The following ENTREP2 variants were observed in gnomAD, a reference collection of about 807,000 sequenced individuals.
ENTREP2 encodes endosomal transmembrane epsin interactor 2, also known as protein ENTREP2.
chr15:29,413,732 G>A, the ENTREP2 span, among the ~76,000 whole-genome samples: 2 of 152,054 alleles, frequency 1.3e-5, no homozygotes, highest in Non-Finnish European at 2.9e-5. Flanking sequence ...AAATGACAAT[G>A]TCCCAGGGAA....
At chr15:29,270,805 C>A in the ENTREP2 span, among the ~76,000 whole-genome samples, 1 of 152,214 alleles carries the variant, frequency 6.6e-6, no homozygotes, top group African/African-American at 2.4e-5. Context: ...TTCTACAGAT[C>A]TTAGCAAATT....
chr15:29,468,990 T>C, the ENTREP2 span, among the ~76,000 whole-genome samples: 2 of 152,134 alleles, frequency 1.3e-5, no homozygotes, highest in East Asian at 1.9e-4. Flanking sequence ...TGCAGCCAAA[T>C]GCAGTGGCCT....
At chr15:29,457,598 C>T in the ENTREP2 span, among the ~76,000 whole-genome samples, 16 of 152,278 alleles carry the variant, frequency 1.1e-4, no homozygotes, top group Admixed American at 2.6e-4. Flanking sequence ...GTCCTGTCAG[C>T]GCTGGCACCC....
At chr15:29,658,420 A>C in the ENTREP2 span, among the ~76,000 whole-genome samples, 1 of 152,172 alleles carries the variant, frequency 6.6e-6, no homozygotes, top group Non-Finnish European at 1.5e-5. Flanking sequence ...CTTATAGCAG[A>C]GGGATAATTG....
the ENTREP2 span, among the ~76,000 whole-genome samples, chr15:29,304,592 C>T: frequency 6.6e-6 from 1 of 152,182 alleles, no homozygotes; most frequent in Non-Finnish European, 1.5e-5. Context: ...TCTCAACTCA[C>T]CAACCAGAGT....
At chr15:29,146,617 A>G in the ENTREP2 span, among the ~76,000 whole-genome samples, 1 of 152,188 alleles carries the variant, frequency 6.6e-6, no homozygotes, top group African/African-American at 2.4e-5. Context: ...CACACAGTGT[A>G]TAACAATGAA....
the ENTREP2 span, among the ~76,000 whole-genome samples, chr15:29,577,620 C>T: frequency 6.6e-6 from 1 of 152,158 alleles, no homozygotes; most frequent in South Asian, 2.1e-4. Context: ...TCCTGAAGTG[C>T]TGGGATTACA....
At chr15:29,267,907 C>G in the ENTREP2 span, 1 of 152,178 alleles carries the variant, frequency 6.6e-6, no homozygotes, top group East Asian at 1.9e-4. Context: ...GGGCCAGGAT[C>G]TCAACCCAGA....
chr15:29,247,931 T>C, the ENTREP2 span, among the ~76,000 whole-genome samples: 2 of 152,240 alleles, frequency 1.3e-5, no homozygotes. Flanking sequence ...GTTCCCACTG[T>C]AGGCCCCAGT....
At chr15:29,615,476 T>C in the ENTREP2 span, among the ~76,000 whole-genome samples, 1 of 152,216 alleles carries the variant, frequency 6.6e-6, no homozygotes, top group East Asian at 1.9e-4. Context: ...TTGGATCCCT[T>C]CCTTTTCCCT....
At chr15:29,212,618 G>A in the ENTREP2 span, among the ~76,000 whole-genome samples, 3 of 152,080 alleles carry the variant, frequency 2.0e-5, no homozygotes, top group East Asian at 1.9e-4. Flanking sequence ...TGATGCAGGC[G>A]TTTAGGGCTA....
the ENTREP2 span, among the ~76,000 whole-genome samples, chr15:29,438,563 T>C: frequency 1.3e-5 from 2 of 151,926 alleles, no homozygotes; most frequent in African/African-American, 4.8e-5. Context: ...GGCCAGCCCA[T>C]GAAGACAGAC....
the ENTREP2 span, among the ~76,000 whole-genome samples, chr15:29,131,823 C>T: frequency 6.7e-6 from 1 of 149,868 alleles, no homozygotes; most frequent in Admixed American, 6.6e-5. Context: ...CGCTTGCCAC[C>T]CAGACAAGAA....
At chr15:29,269,558 T>C in the ENTREP2 span, 2 of 1,519,936 alleles carry the variant, frequency 1.3e-6, no homozygotes, top group Middle Eastern at 1.7e-4. Flanking sequence ...CCGCGGGACG[T>C]GCTCGGGGCC....
At chr15:29,529,543 A>T in the ENTREP2 span, among the ~76,000 whole-genome samples, 1 of 152,046 alleles carries the variant, frequency 6.6e-6, no homozygotes, top group South Asian at 2.1e-4. Flanking sequence ...ACTGGGCTCT[A>T]GGCTGGCTGG....
chr15:29,137,363 G>A, the ENTREP2 span, among the ~76,000 whole-genome samples: 9 of 152,110 alleles, frequency 5.9e-5, no homozygotes, highest in East Asian at 3.9e-4. Flanking sequence ...CAGGAGGAAC[G>A]CCTCGTCTCA....
chr15:29,528,783 C>T, the ENTREP2 span, among the ~76,000 whole-genome samples: 1 of 152,188 alleles, frequency 6.6e-6, no homozygotes, highest in East Asian at 1.9e-4. Flanking sequence ...AATTTCAGAT[C>T]TCTGCACTTG....
At chr15:29,247,050 G>C in the ENTREP2 span, among the ~76,000 whole-genome samples, 1 of 151,292 alleles carries the variant, frequency 6.6e-6, no homozygotes, top group African/African-American at 2.4e-5. Context: ...GGTGCTAGGA[G>C]CCCAGAATAA....
the ENTREP2 span, among the ~76,000 whole-genome samples, chr15:29,409,288 A>G: frequency 6.6e-6 from 1 of 152,104 alleles, no homozygotes; most frequent in Non-Finnish European, 1.5e-5. Flanking sequence ...ATTCAAACTC[A>G]TATTACATTG....
Sources: gnomAD v4.1 joint callset for allele counts (sites outside exome capture counted in the v4.1 genomes callset) on GRCh38, gnomAD v4.1.1 for gene constraint, MANE v1.5 for transcripts, NCBI Gene and HGNC (gene_info 2026-07-23, HGNC 2026-07-21) for gene names.